Variants in PRUNE2 observed in about 807,000 individuals in gnomAD.
PRUNE2 encodes prune homolog 2 with BCH domain.
PRUNE2 carries 164 observed loss-of-function variants against 252.0 expected under a neutral mutation model. The ratio of observed to expected loss-of-function variants is 0.65; its 90% CI spans 0.57 to 0.74. PRUNE2 has a LOEUF of 0.74. Ranked by LOEUF, PRUNE2 falls within the 30% of genes least tolerant of loss-of-function variation. The probability of loss-of-function intolerance (pLI) is 0.00; values close to 1 mark genes in which losing one functional copy is unlikely to be tolerated. For synonymous variants in PRUNE2, 1,292 were observed against 1,350.2 expected (o/e 0.96, Z 0.94); for missense variants, 3,495 against 3,711.0 (o/e 0.94, Z 1.51).
intron 18 of PRUNE2, among the ~76,000 whole-genome samples, chr9:76,617,472 T>G (rs1488075812): frequency 2.0e-5 from 3 of 151,500 alleles, no homozygotes; most frequent in Non-Finnish European, 2.9e-5. Context: ...CAGCCCTTAT[T>G]CTAATACCAA....
At chr9:76,834,364 CAGGAT>C (rs2058839348) in intron 4 of PRUNE2, among the ~76,000 whole-genome samples, 1 of 152,138 alleles carries the variant, frequency 6.6e-6, no homozygotes, top group Admixed American at 6.5e-5. Flanking sequence ...CAAATGAACT[CAGGAT>C]AGTCAGTAAA....
intron 6 of PRUNE2, among the ~76,000 whole-genome samples, chr9:76,821,750 G>A (rs1748846197): frequency 6.6e-6 from 1 of 152,088 alleles, no homozygotes; most frequent in Non-Finnish European, 1.5e-5. Flanking sequence ...TTACTTTCAA[G>A]ATTAAGATGA....
Position 76,764,161 on chromosome 9 carries a change from T to C in PRUNE2, c.757-50440A>G, listed in dbSNP as rs1488118070. On this transcript the variant is annotated intron_variant, in intron 6 of 18. Transcript: ENST00000376718. ...GGCACTGTTCTAGGCACCAGTGATA[T>C]AGGAGCCAACAAGACAGACATGTCA... is the stretch of plus-strand genomic sequence containing the variant. Among the ~76,000 whole-genome samples the C allele has an allele frequency of 2.6e-5, 4 of 152,198 alleles. No individual in the cohort carries two copies. The South Asian group carries it at 6.2e-4, about 24-fold the overall frequency.
At chr9:76,628,480 C>A (rs1431750834) in intron 16 of PRUNE2, among the ~76,000 whole-genome samples, 1 of 152,178 alleles carries the variant, frequency 6.6e-6, no homozygotes, top group African/African-American at 2.4e-5. Context: ...TAGCATCATG[C>A]AGATAAATTA....
chr9:76,641,179 C>T (rs892649932), intron 12 of PRUNE2, among the ~76,000 whole-genome samples: 8 of 151,192 alleles, frequency 5.3e-5, no homozygotes, highest in Non-Finnish European at 1.2e-4. Flanking sequence ...AGAAATGTCT[C>T]GATATAAAAA....
chr9:76,808,370 T>G (rs1271715063), intron 6 of PRUNE2, among the ~76,000 whole-genome samples: 1 of 152,212 alleles, frequency 6.6e-6, no homozygotes, highest in African/African-American at 2.4e-5. Flanking sequence ...TTGTATCACG[T>G]TAGGATATTG....
chr9:76,840,729 C>G (rs570702102), intron 4 of PRUNE2, among the ~76,000 whole-genome samples: 2 of 152,104 alleles, frequency 1.3e-5, no homozygotes, highest in Non-Finnish European at 2.9e-5. Flanking sequence ...GCCTGTAATC[C>G]CAGCACTTTG....
chr9:76,778,792 G>A (rs1267695049), intron 6 of PRUNE2: 1 of 152,226 alleles, frequency 6.6e-6, no homozygotes, highest in East Asian at 1.9e-4. Context: ...TGGTGGAACT[G>A]AGAAATGGCA....
intron 1 of PRUNE2, among the ~76,000 whole-genome samples, chr9:76,865,084 T>G (rs1286544061): frequency 6.6e-6 from 1 of 152,220 alleles, no homozygotes; most frequent in Non-Finnish European, 1.5e-5. Context: ...GCCTCAGGAT[T>G]CACCCAGTTG....
At chr9:76,813,591 G>A (rs2057497585) in intron 6 of PRUNE2, among the ~76,000 whole-genome samples, 1 of 152,132 alleles carries the variant, frequency 6.6e-6, no homozygotes, top group African/African-American at 2.4e-5. Context: ...AACAAATGAA[G>A]TTCAAGCATA....
At chr9:76,714,945 A>C (rs895584517) in intron 6 of PRUNE2, among the ~76,000 whole-genome samples, 4 of 152,234 alleles carry the variant, frequency 2.6e-5, no homozygotes, top group African/African-American at 4.8e-5. Flanking sequence ...ATCATACCAC[A>C]TAATTCATCA....
At chr9:76,892,631 T>C (rs2062552483) in intron 1 of PRUNE2, among the ~76,000 whole-genome samples, 1 of 152,190 alleles carries the variant, frequency 6.6e-6, no homozygotes, top group Non-Finnish European at 1.5e-5. Flanking sequence ...ATAAATAATG[T>C]TAAGTAAAAT....
At chr9:76,625,461 A>G (rs1429222968) in intron 16 of PRUNE2, among the ~76,000 whole-genome samples, 2 of 152,214 alleles carry the variant, frequency 1.3e-5, no homozygotes, top group Non-Finnish European at 2.9e-5. Context: ...GAAAACATCT[A>G]AAGACGCACT....
Position 76,629,084 on chromosome 9 carries a change from T to C in PRUNE2, c.9149+108A>G, listed in dbSNP as rs377599870. ...ATTGCAAACTCCTGGGCTCAACTGA[T>C]TCTTCCACTCAGCCTCCCAAAGTGC... On this transcript the variant is annotated intron_variant, in intron 16 of 18. Coordinates refer to ENST00000376718, the MANE Select transcript of PRUNE2 (RefSeq NM_015225.3). 1,216 of 626,356 alleles carry C rather than the reference T, an allele frequency of 1.9e-3. 39 individuals carry two copies. The South Asian group carries it at 0.024, about 13-fold the overall frequency. The allele number at this position is 626,356 out of a possible 1,614,324, so 38.8% of individuals were successfully genotyped here.
chr9:76,855,437 A>T (rs948433487), intron 1 of PRUNE2, among the ~76,000 whole-genome samples: 46 of 144,016 alleles, frequency 3.2e-4, no homozygotes, highest in African/African-American at 1.3e-3. Context: ...ATTTTAATTA[A>T]AAAAAAAAGT....
chr9:76,722,277 C>A (rs1341484801), intron 6 of PRUNE2, among the ~76,000 whole-genome samples: 1 of 149,218 alleles, frequency 6.7e-6, no homozygotes, highest in African/African-American at 2.5e-5. Flanking sequence ...ACCATGTTGG[C>A]CAGGCTGGTC....
intron 4 of PRUNE2, among the ~76,000 whole-genome samples, chr9:76,838,333 C>T (rs1039896282): frequency 5.3e-5 from 8 of 151,864 alleles, no homozygotes; most frequent in Non-Finnish European, 1.0e-4. Context: ...CTGTATGATG[C>T]CATTTATATA....
chr9:76,825,841 A>T (rs537460979), intron 5 of PRUNE2, among the ~76,000 whole-genome samples: 38 of 152,338 alleles, frequency 2.5e-4, no homozygotes, highest in Non-Finnish European at 4.7e-4. Flanking sequence ...TTGATCCAGG[A>T]AATTCACTGT....
At chr9:76,666,703 G>C (rs1168238453) in intron 9 of PRUNE2, among the ~76,000 whole-genome samples, 6 of 151,928 alleles carry the variant, frequency 3.9e-5, no homozygotes, top group Non-Finnish European at 8.8e-5. Flanking sequence ...GCCACTACCA[G>C]TCTCCGCGTC....
Sources: allele counts gnomAD v4.1 joint callset (sites outside exome capture counted in the v4.1 genomes callset), GRCh38; gene constraint gnomAD v4.1.1; transcripts MANE v1.5; gene names NCBI Gene and HGNC (gene_info 2026-07-23, HGNC 2026-07-21).